ROBO1: variants seen among roughly 807,000 people sequenced by gnomAD.
ROBO1 encodes roundabout homolog 1.
Under a neutral mutation model 195.9 loss-of-function variants are expected in ROBO1, and 149 were observed. The observed-to-expected ratio is 0.76, with a 90% CI of 0.67 to 0.87. The LOEUF (loss-of-function observed/expected upper bound fraction) is 0.87. ROBO1 is among the 40% of genes least tolerant of loss of function. ROBO1 has a pLI of 0.00. For synonymous variants in ROBO1, 816 were observed against 733.2 expected, an observed-to-expected ratio of 1.11 and a Z score of -1.82; for missense variants, 1,933 against 2,068.3, an observed-to-expected ratio of 0.93 and a Z score of 1.27.
chr3:79,705,561 C>G lies in ROBO1; in HGVS notation c.-51+62191G>C, dbSNP rs545379907. Among the ~76,000 whole-genome samples the G allele has an allele frequency of 3.9e-5, 6 of 152,172 alleles. No individual in the cohort carries two copies. The South Asian group carries it at 8.3e-4, about 21-fold the overall frequency. ...CTATTTGTCTGTCCTTTCACCAATA[C>G]TGCATTGTCTTGATTACTGTAACAT... On this transcript the variant is annotated intron_variant, in intron 1 of 30. Coordinates refer to ENST00000464233, the MANE Select transcript of ROBO1 (RefSeq NM_002941.4).
rs142430488 is a variant in ROBO1 at position 79,262,273 on chromosome 3, G to C, written c.89-136734C>G. ...TTGCTCTAGAAAATCAGCAGGAAAT[G>C]GGGGCTCTTCACTTTGGCTTCACTT... On this transcript the variant is annotated intron_variant, in intron 2 of 30. Transcript: ENST00000464233. 2.5e-3 allele frequency among the ~76,000 whole-genome samples: 384 copies of C among 152,144 alleles called. 5 individuals are homozygous for C. Among genetic ancestry groups the C allele is most frequent in the African/African-American group, 8.0e-3 (332 of 41,546 alleles).
At chr3:79,150,250 C>CTTT (rs375015691) in intron 2 of ROBO1, among the ~76,000 whole-genome samples, 2 of 143,184 alleles carry the variant, frequency 1.4e-5, no homozygotes, top group Non-Finnish European at 3.1e-5. Context: ...GTTGATTTTT[C>CTTT]TTTTTTTTTT....
At chr3:78,774,090 T>C (rs2083444800) in intron 4 of ROBO1, among the ~76,000 whole-genome samples, 1 of 152,248 alleles carries the variant, frequency 6.6e-6, no homozygotes, top group African/African-American at 2.4e-5. Flanking sequence ...TGATAGTATG[T>C]GGCAGATGAG....
At position 79,766,983 on chromosome 3, in the gene ROBO1, T is replaced by C. The variant is rs190249852; in HGVS notation, c.-51+769A>G. ...TCATTCTTCCTCCTTCCCTCCCTCATTTCCTCCCTCAAAGTCCCCGCTGGC... is the reference window on the plus strand; with the variant it reads ...TCATTCTTCCTCCTTCCCTCCCTCACTTCCTCCCTCAAAGTCCCCGCTGGC... On this transcript the variant is annotated intron_variant, in intron 1 of 30. Transcript: ENST00000464233. Among the ~76,000 whole-genome samples, 4 of 152,134 alleles carry C rather than the reference T, an allele frequency of 2.6e-5. No homozygotes were observed. In the East Asian group the frequency reaches 7.8e-4, roughly 30 times the overall value.
intron 4 of ROBO1, among the ~76,000 whole-genome samples, chr3:78,837,982 A>G (rs1358841315): frequency 6.6e-6 from 1 of 152,226 alleles, no homozygotes; most frequent in East Asian, 1.9e-4. Context: ...ATTTGTAAAT[A>G]TGCCTGAACA....
intron 2 of ROBO1, among the ~76,000 whole-genome samples, chr3:79,540,667 T>G (rs919936735): frequency 3.3e-5 from 5 of 152,134 alleles, no homozygotes. Flanking sequence ...CAAACTCAAC[T>G]GTCCGATTTC....
chr3:79,067,766 G>C (rs114969410), intron 3 of ROBO1, among the ~76,000 whole-genome samples: 69 of 152,038 alleles, frequency 4.5e-4, no homozygotes, highest in African/African-American at 1.6e-3. Context: ...AAACATTTAT[G>C]TTACATGGTT....
At chr3:78,697,090 A>C (rs1249848106) in intron 8 of ROBO1, among the ~76,000 whole-genome samples, 1 of 151,774 alleles carries the variant, frequency 6.6e-6, no homozygotes. Flanking sequence ...TACCATTTAG[A>C]ATAGAAGACT....
chr3:78,867,151 T>C (rs1385212157), intron 4 of ROBO1, among the ~76,000 whole-genome samples: 3 of 152,216 alleles, frequency 2.0e-5, no homozygotes, highest in Admixed American at 2.0e-4. Context: ...CTTGAATATT[T>C]GAAGGGATCG....
chr3:79,560,816 A>G (rs953775035), intron 2 of ROBO1, among the ~76,000 whole-genome samples: 1 of 152,092 alleles, frequency 6.6e-6, no homozygotes, highest in African/African-American at 2.4e-5. Context: ...CTTCGCTATT[A>G]TGTCAGTTTT....
intron 1 of ROBO1, among the ~76,000 whole-genome samples, chr3:79,602,583 G>T (rs1054605174): frequency 1.3e-4 from 20 of 151,968 alleles, no homozygotes; most frequent in Non-Finnish European, 1.8e-4. Flanking sequence ...CAGCTGGGCT[G>T]GTGAGAAGGC....
At chr3:79,177,229 C>T (rs746624265) in intron 2 of ROBO1, among the ~76,000 whole-genome samples, 18 of 152,254 alleles carry the variant, frequency 1.2e-4, no homozygotes, top group Admixed American at 5.2e-4. Flanking sequence ...AATAAACTTA[C>T]GTTTCAAAGA....
intron 24 of ROBO1, among the ~76,000 whole-genome samples, chr3:78,633,134 C>CAA (rs909675329): frequency 6.6e-6 from 1 of 152,160 alleles, no homozygotes; most frequent in African/African-American, 2.4e-5. Flanking sequence ...CCCCTAAGAA[C>CAA]AACTTTAATC....
intron 10 of ROBO1, among the ~76,000 whole-genome samples, chr3:78,685,080 C>T (rs1422999664): frequency 6.6e-6 from 1 of 151,980 alleles, no homozygotes; most frequent in Non-Finnish European, 1.5e-5. Flanking sequence ...CTTGATTGCA[C>T]ACACATATAC....
intron 2 of ROBO1, among the ~76,000 whole-genome samples, chr3:79,319,702 C>T (rs898342538): frequency 6.6e-6 from 1 of 152,090 alleles, no homozygotes. Context: ...TATTAAAATA[C>T]TAAAGCCCTA....
intron 5 of ROBO1, among the ~76,000 whole-genome samples, chr3:78,740,664 G>C (rs2082509666): frequency 6.6e-6 from 1 of 151,762 alleles, no homozygotes; most frequent in African/African-American, 2.4e-5. Flanking sequence ...AGTAGAGACG[G>C]GGTTTCTCCC....
chr3:79,020,902 A>G (rs1400719803), intron 3 of ROBO1, among the ~76,000 whole-genome samples: 1 of 152,058 alleles, frequency 6.6e-6, no homozygotes, highest in Non-Finnish European at 1.5e-5. Context: ...GAGAAGGAGG[A>G]TTTGCTCTTT....
chr3:79,026,678 T>C (rs1015762018), intron 3 of ROBO1, among the ~76,000 whole-genome samples: 8 of 152,084 alleles, frequency 5.3e-5, no homozygotes, highest in Non-Finnish European at 8.8e-5. Flanking sequence ...TGGGATTTGC[T>C]ATCTTTTGGT....
intron 1 of ROBO1, among the ~76,000 whole-genome samples, chr3:79,602,522 G>T (rs1192425984): frequency 6.6e-6 from 1 of 151,936 alleles, no homozygotes; most frequent in Non-Finnish European, 1.5e-5. Flanking sequence ...TGCCTTTTCA[G>T]CAAGTATCTG....
Sources: gnomAD v4.1 joint callset for allele counts (sites outside exome capture counted in the v4.1 genomes callset) on GRCh38, gnomAD v4.1.1 for gene constraint, MANE v1.5 for transcripts, NCBI Gene and HGNC (gene_info 2026-07-23, HGNC 2026-07-21) for gene names.